Variants in SLC9A7 observed in about 807,000 individuals in gnomAD.
SLC9A7 encodes sodium/hydrogen exchanger 7.
A neutral mutation model predicts 52.6 loss-of-function variants in SLC9A7; 19 were observed. The observed-to-expected ratio is 0.36, with a 90% confidence interval of 0.25 to 0.53. The LOEUF (loss-of-function observed/expected upper bound fraction) is 0.53. Among genes scored for constraint, SLC9A7 ranks in the 20% least tolerant of loss-of-function variants. SLC9A7 has a pLI of 0.91. For synonymous variants in SLC9A7, 226 were observed against 252.1 expected, an observed-to-expected ratio of 0.90 and a Z score of 0.98; for missense variants, 455 against 597.9, an observed-to-expected ratio of 0.76 and a Z score of 2.49.
At chrX:46,654,982 C>CTTTTTTTTTTTTTTTTTTT (rs60881484) in intron 7 of SLC9A7, among the ~76,000 whole-genome samples, 1 of 83,623 alleles carries the variant, frequency 1.2e-5, no homozygotes, top group Non-Finnish European at 2.3e-5. Context: ...TTCTTTCTTT[C>CTTTTTTTTTTTTTTTTTTT]TTTTTTTTTT....
At chrX:46,724,793 T>C (rs1944917172) in intron 1 of SLC9A7, among the ~76,000 whole-genome samples, 1 of 111,908 alleles carries the variant, frequency 8.9e-6, no homozygotes, top group Non-Finnish European at 1.9e-5. Flanking sequence ...ATCTTTGTCT[T>C]ATCAGTTTAT....
intron 2 of SLC9A7, among the ~76,000 whole-genome samples, chrX:46,680,383 CGTTT>C (rs1944194257): frequency 9.1e-6 from 1 of 110,386 alleles, no homozygotes; most frequent in Non-Finnish European, 1.9e-5. Context: ...TTTCATCACA[CGTTT>C]ATAAAGACTC....
At chrX:46,715,161 C>T (rs1313761238) in intron 1 of SLC9A7, among the ~76,000 whole-genome samples, 1 of 111,768 alleles carries the variant, frequency 8.9e-6, no homozygotes, top group Non-Finnish European at 1.9e-5. Context: ...ACATTGATAT[C>T]TCATTTCTCT....
chrX:46,684,505 C>T (rs1290439531), intron 1 of SLC9A7, among the ~76,000 whole-genome samples: 1 of 111,552 alleles, frequency 9.0e-6, no homozygotes, highest in Non-Finnish European at 1.9e-5. Context: ...ATGCCTGGCC[C>T]CAGACCTTTT....
At chrX:46,695,434 C>T (rs1300954500) in intron 1 of SLC9A7, among the ~76,000 whole-genome samples, 1 of 112,094 alleles carries the variant, frequency 8.9e-6, no homozygotes, top group African/African-American at 3.2e-5. Flanking sequence ...CCTTCAGGAC[C>T]CTGGAAGAAA....
rs773213496 is a variant in SLC9A7 at position 46,599,457 on chromosome X, A to AAAAC, written c.*7491_*7494dup. Reference sequence around the variant, plus strand: ...CAGATGATACTTTACTTTAAAATACAAAACAAAATTAGCTCAGCCAGTTAG... The same window carrying AAAAC: ...CAGATGATACTTTACTTTAAAATACAAAACAAACAAAATTAGCTCAGCCAGTTAG... On this transcript the variant is annotated 3_prime_UTR_variant, in exon 17 of 17. Transcript: ENST00000616978. 9.1e-4 allele frequency: 102 copies of AAAAC among 112,345 alleles called. 1 individual carries two copies. The highest frequency in any genetic ancestry group is 3.2e-3 in the African/African-American group (99 of 30,946). 9.3% of individuals were successfully genotyped at this position (112,345 alleles called of 1,213,427 possible). A position where few individuals can be genotyped will look rare whatever the true frequency, so the allele number is the denominator to read the frequency against.
intron 12 of SLC9A7, among the ~76,000 whole-genome samples, chrX:46,636,610 CA>C (rs1943323990): frequency 9.1e-6 from 1 of 109,805 alleles, no homozygotes; most frequent in South Asian, 3.9e-4. Flanking sequence ...GTATCACCCT[CA>C]TGGGTATAAA....
intron 1 of SLC9A7, among the ~76,000 whole-genome samples, chrX:46,708,273 A>G (rs1211742514): frequency 8.9e-6 from 1 of 111,887 alleles, no homozygotes; most frequent in Non-Finnish European, 1.9e-5. Flanking sequence ...CACACCTGTA[A>G]TCCCAGCACT....
chrX:46,755,231 T>G (rs1248485773), intron 1 of SLC9A7, among the ~76,000 whole-genome samples: 1 of 111,609 alleles, frequency 9.0e-6, no homozygotes. Flanking sequence ...GCACTTATTA[T>G]GGGGTCTATT....
At chrX:46,642,512 G>GA (rs1255378461) in intron 12 of SLC9A7, among the ~76,000 whole-genome samples, 1 of 112,094 alleles carries the variant, frequency 8.9e-6, no homozygotes, top group African/African-American at 3.2e-5. Context: ...GAGGAAACCT[G>GA]AGGCCCAAAG....
chrX:46,706,660 C>T (rs1249371112), intron 1 of SLC9A7, among the ~76,000 whole-genome samples: 1 of 111,559 alleles, frequency 9.0e-6, no homozygotes, highest in Non-Finnish European at 1.9e-5. Context: ...TTCTTCTCTG[C>T]ATTCCCTGTC....
intron 1 of SLC9A7, among the ~76,000 whole-genome samples, chrX:46,713,928 T>C (rs1944729634): frequency 9.0e-6 from 1 of 110,612 alleles, no homozygotes. Flanking sequence ...TTCCTTTTCA[T>C]TTTTACTCAC....
intron 1 of SLC9A7, among the ~76,000 whole-genome samples, chrX:46,728,683 G>A (rs183826797): frequency 8.9e-6 from 1 of 112,165 alleles, no homozygotes; most frequent in East Asian, 2.8e-4. Context: ...ACAAAGACAT[G>A]TAAGCAAATG....
At position 46,621,128 on chromosome X, in the gene SLC9A7, C is replaced by CT. The variant is rs891150035; in HGVS notation, c.1741-70dup. 5.8e-6 allele frequency: 4 copies of CT among 693,289 alleles called. No individual in the cohort carries two copies. In the African/African-American group the frequency reaches 6.5e-5, roughly 11 times the overall value. The allele number at this position is 693,289 out of a possible 1,213,427, so 57.1% of individuals were successfully genotyped here. On this transcript the variant is annotated intron_variant, in intron 14 of 16. Transcript: ENST00000616978. ...ATCTCAAAGAAAGGGGAAAAAAAAC[C>CT]TTTTTTAATAACTTGTATAGCTCTG...
Position 46,758,803 on chromosome X carries a change from G to A in SLC9A7, c.227C>T (p.Thr76Ile), listed in dbSNP as rs782545606. The A allele has an allele frequency of 1.7e-6, 2 of 1,207,384 alleles. No homozygotes were observed. The highest frequency in any genetic ancestry group is 1.8e-5 in the South Asian group (1 of 56,232). The change falls in exon 1 of 17, where the codon ACC (threonine) becomes ATC (isoleucine). Residue 76 changes from threonine to isoleucine, a missense_variant. By Grantham distance (89) the Thr-to-Ile change is moderately conservative. Coordinates refer to ENST00000616978, the MANE Select transcript of SLC9A7 (RefSeq NM_001257291.2). ...GGTGAGCGTGAGCAGCAGGATGAAG[G>A]TGAGCAGGCTCACGCTGTCTTGCCG... ...SHRQDSVSLL[T>I]FILLLTLTIL... is the part of the protein sequence containing the mutation.
intron 1 of SLC9A7, among the ~76,000 whole-genome samples, chrX:46,706,398 T>C (rs990739715): frequency 1.9e-5 from 2 of 107,807 alleles, no homozygotes; most frequent in African/African-American, 3.4e-5. Flanking sequence ...AGCATGGTAA[T>C]GGGTACATGG....
At chrX:46,627,778 T>TGG (rs11362478) in intron 14 of SLC9A7, among the ~76,000 whole-genome samples, 1 of 63,097 alleles carries the variant, frequency 1.6e-5, no homozygotes, top group Non-Finnish European at 3.0e-5. Context: ...ATGGGCGGGT[T>TGG]GGGGGGGGGG....
At chrX:46,699,192 T>C (rs1450757018) in intron 1 of SLC9A7, among the ~76,000 whole-genome samples, 1 of 111,955 alleles carries the variant, frequency 8.9e-6, no homozygotes, top group East Asian at 2.8e-4. Flanking sequence ...TACAAAATGT[T>C]ACAGTTAGTA....
At position 46,659,300 on chromosome X, in the gene SLC9A7, T is replaced by C. The variant is rs1321804978; in HGVS notation, c.1041+2716A>G. Among the ~76,000 whole-genome samples the C allele has an allele frequency of 1.6e-3, 161 of 103,841 alleles. 3 individuals carry two copies. In the South Asian group the frequency reaches 0.035, roughly 23 times the overall value. The allele number at this position is 103,841 out of a possible 115,157, so 90.2% of individuals were successfully genotyped here. ...GGGCAAAAACTGGAAGCATTCCCTTTGAAAACTGGCACAAGACAGGGATGC... is the reference window on the plus strand; with the variant it reads ...GGGCAAAAACTGGAAGCATTCCCTTCGAAAACTGGCACAAGACAGGGATGC... On this transcript the variant is annotated intron_variant, in intron 7 of 16. Transcript: ENST00000616978.
Sources: gnomAD v4.1 joint callset for allele counts (sites outside exome capture counted in the v4.1 genomes callset) on GRCh38, gnomAD v4.1.1 for gene constraint, MANE v1.5 for transcripts, NCBI Gene and HGNC (gene_info 2026-07-23, HGNC 2026-07-21) for gene names.